The following NR2E1 variants were observed in gnomAD, a reference collection of about 807,000 sequenced individuals.
NR2E1 encodes the protein nuclear receptor subfamily 2 group E member 1.
A neutral mutation model predicts 43.6 loss-of-function variants in NR2E1; 5 were observed. The observed-to-expected ratio is 0.11, with a 90% CI of 0.06 to 0.24. The LOEUF is 0.24. Ranked by LOEUF, NR2E1 falls within the 10% of genes least tolerant of loss-of-function variation. NR2E1 has a pLI of 1.00. For missense variants in NR2E1, 287 were observed against 496.7 expected (o/e 0.58, Z 4.01); for synonymous variants, 191 against 195.5 (o/e 0.98, Z 0.19).
chr6:108,168,292 C>A (rs1009418824), intron 1 of NR2E1: 73 of 909,728 alleles, frequency 8.0e-5, no homozygotes, highest in Middle Eastern at 3.5e-4. Context: ...TCTCGGCAGG[C>A]CTCCTAGCTC....
At chr6:108,182,296 A>G (rs1582449644) in intron 8 of NR2E1, among the ~76,000 whole-genome samples, 2 of 150,764 alleles carry the variant, frequency 1.3e-5, no homozygotes, top group South Asian at 4.2e-4. Flanking sequence ...TATGTGAGAG[A>G]GTGGCCACAT....
At chr6:108,183,348 A>T (rs1402140374) in intron 8 of NR2E1, among the ~76,000 whole-genome samples, 2 of 147,462 alleles carry the variant, frequency 1.4e-5, no homozygotes, top group Non-Finnish European at 1.5e-5. Flanking sequence ...CAAAAATTTA[A>T]AAAAAAAAAA....
rs755624818 is a variant in NR2E1, at chr6:108,166,783, A to G, written c.18A>G (p.Gly6=). Residue 6 remains glycine, a synonymous_variant, in exon 1 of 9, where the codon GGA becomes GGG. Coordinates refer to ENST00000368986, the MANE Select transcript of NR2E1 (RefSeq NM_003269.5). The surrounding 1 kb of genome is among the most constrained non-coding windows in gnomAD (Gnocchi z 7.2). The stretch of plus-strand genomic sequence containing the variant: ...CAGCCAGCATGAGCAAGCCAGCCGG[A>G]TCAACAAGTGGGTACCTCTCGGGCC... MSKPA[G]STSRILDIPC... 6.3e-7 allele frequency: 1 copy of G among 1,592,146 alleles called. No individual in the cohort carries two copies. The highest frequency in any genetic ancestry group is 8.5e-7 in the Non-Finnish European group (1 of 1,173,002).
chr6:108,177,320 G>T (rs1277100470), intron 4 of NR2E1, among the ~76,000 whole-genome samples: 1 of 152,228 alleles, frequency 6.6e-6, no homozygotes, highest in Non-Finnish European at 1.5e-5. Flanking sequence ...TCTGAGGCAG[G>T]TGGATTTACA....
intron 5 of NR2E1, chr6:108,178,963 A>C (rs890209185): frequency 2.6e-5 from 4 of 152,610 alleles, no homozygotes; most frequent in Non-Finnish European, 5.9e-5. Context: ...CTAACCTTAA[A>C]GGAAAGAAAG....
At chr6:108,175,469 G>A (rs1773880695) in intron 3 of NR2E1, among the ~76,000 whole-genome samples, 1 of 152,236 alleles carries the variant, frequency 6.6e-6, no homozygotes, top group Non-Finnish European at 1.5e-5. Context: ...CCTTCTCTCT[G>A]TTCTACAGAA....
At position 108,171,615 on chromosome 6, in the gene NR2E1, A is replaced by C; in HGVS notation, c.171+12A>C. On this transcript the variant is annotated intron_variant, in intron 2 of 8. Transcript: ENST00000368986. ...AATCTGGAAACCAGGTACCTTAGCC[A>C]GGGCTGCACTGCTGGGCTCCGCTCT... The C allele has an allele frequency of 6.2e-7, 1 of 1,614,010 alleles. No homozygotes were observed. Among genetic ancestry groups the C allele is most frequent in the Non-Finnish European group, 8.5e-7 (1 of 1,180,036 alleles).
intron 3 of NR2E1, among the ~76,000 whole-genome samples, chr6:108,175,233 C>T (rs965163989): frequency 6.6e-6 from 1 of 152,248 alleles, no homozygotes; most frequent in African/African-American, 2.4e-5. Flanking sequence ...TGCCTCCGGT[C>T]CTAATCCCTC....
At chr6:108,181,701 T>C (rs368409994) in intron 8 of NR2E1, 50 bp downstream of exon 8, 100 of 1,374,528 alleles carry the variant, frequency 7.3e-5, no homozygotes, top group Non-Finnish European at 1.0e-4. Context: ...GCCTCCATTG[T>C]GAATGCCTGA....
intron 1 of NR2E1, 148 bp from the exon 2 acceptor site, chr6:108,171,310 T>C (rs1773807355): frequency 1.2e-6 from 1 of 852,324 alleles, no homozygotes; most frequent in Non-Finnish European, 1.9e-6. Context: ...ATCACTTCAT[T>C]ATTTGCTTTT....
rs553529352 is a variant in NR2E1, at chr6:108,169,976, C to G, written c.26-1482C>G. On this transcript the variant is annotated intron_variant, in intron 1 of 8. Transcript: ENST00000368986. The surrounding 1 kb of genome is among the most constrained non-coding windows in gnomAD (Gnocchi z 6.1). ...CCTCACCCCCAAGCACGGTCCCCCG[C>G]GCTCTCCTTCCCCCACCCCCTCCAC... Among the ~76,000 whole-genome samples, 9 of 151,762 alleles carry G rather than the reference C, an allele frequency of 5.9e-5. No homozygotes were observed. The highest frequency in any genetic ancestry group is 2.2e-4 in the African/African-American group (9 of 41,358).
At chr6:108,174,546 CA>C (rs1442657333) in intron 2 of NR2E1, among the ~76,000 whole-genome samples, 1 of 152,104 alleles carries the variant, frequency 6.6e-6, no homozygotes, top group Non-Finnish European at 1.5e-5. Context: ...CGGGGTCTGC[CA>C]AACCCGGCTC....
Position 108,175,021 on chromosome 6 carries a change from G to A in NR2E1, c.259+98G>A, listed in dbSNP as rs1773873264. 3.5e-6 allele frequency: 4 copies of A among 1,145,338 alleles called. No individual in the cohort carries two copies. The Admixed American group carries it at 5.8e-5, about 17-fold the overall frequency. 70.9% of individuals were successfully genotyped at this position (1,145,338 alleles called of 1,614,324 possible). The stretch of plus-strand genomic sequence containing the variant: ...ACTCCTATGCATGTAAATCAACCCC[G>A]GAGCGCTTCTTTCCAGATGCTGGGA... On this transcript the variant is annotated intron_variant, in intron 3 of 8. Coordinates refer to ENST00000368986, the MANE Select transcript of NR2E1 (RefSeq NM_003269.5).
At position 108,187,490 on chromosome 6, in the gene NR2E1, T is replaced by A. The variant is rs766453152; in HGVS notation, c.*27T>A. 8 of 1,612,326 alleles carry A rather than the reference T, an allele frequency of 5.0e-6. No homozygotes were observed. The African/African-American group carries it at 8.0e-5, about 16-fold the overall frequency. On this transcript the variant is annotated 3_prime_UTR_variant, in exon 9 of 9. Coordinates refer to ENST00000368986, the MANE Select transcript of NR2E1 (RefSeq NM_003269.5). Reference sequence around the variant, plus strand: ...CTCACAAGATACCCACTTTTCAGGATGGGACAGTATCAGATGAACTTCAAC... The same window carrying A: ...CTCACAAGATACCCACTTTTCAGGAAGGGACAGTATCAGATGAACTTCAAC...
At chr6:108,181,709 T>A in intron 8 of NR2E1, 58 bp downstream of exon 8, 1 of 1,281,722 alleles carries the variant, frequency 7.8e-7, no homozygotes, top group Non-Finnish European at 1.1e-6. Flanking sequence ...TGTGAATGCC[T>A]GAGCAGGCGG....
chr6:108,170,287 T>C (rs1773789497), intron 1 of NR2E1, among the ~76,000 whole-genome samples: 2 of 152,360 alleles, frequency 1.3e-5, no homozygotes, highest in South Asian at 4.1e-4. Context: ...CAAGTGTTAA[T>C]AAGTCAATTG....
chr6:108,171,794 G>A (rs1023696403), intron 2 of NR2E1, among the ~76,000 whole-genome samples, 191 bp downstream of exon 2: 1 of 151,368 alleles, frequency 6.6e-6, no homozygotes, highest in Non-Finnish European at 1.5e-5. Context: ...AAGAGGTAAG[G>A]GAAGATATGA....
intron 2 of NR2E1, among the ~76,000 whole-genome samples, chr6:108,172,833 C>A (rs1382871364): frequency 6.6e-6 from 1 of 152,138 alleles, no homozygotes; most frequent in Non-Finnish European, 1.5e-5. Context: ...GCTCTCTAGC[C>A]CTGTTACCTG....
rs573017204 is a variant in NR2E1, at chr6:108,179,516, G to T, written c.643-807G>T. Among the ~76,000 whole-genome samples, 212 of 151,550 alleles carry T rather than the reference G, an allele frequency of 1.4e-3. 1 individual carries two copies. The highest frequency in any genetic ancestry group is 9.0e-3 in the South Asian group (43 of 4,788). On this transcript the variant is annotated intron_variant, in intron 5 of 8. Transcript: ENST00000368986. ...CCTGTGTGTGTGTGTGTGTGTGTGT[G>T]TGTGTGTGTGTGTGTGTAGACTGGC...
Sources: allele counts gnomAD v4.1 joint callset (sites outside exome capture counted in the v4.1 genomes callset), GRCh38; gene constraint gnomAD v4.1.1; non-coding constraint Gnocchi (gnomAD v3.1); transcripts MANE v1.5; gene names NCBI Gene and HGNC (gene_info 2026-07-23, HGNC 2026-07-21).